GNA15: variants seen among roughly 807,000 people sequenced by gnomAD.
The protein encoded by GNA15 is guanine nucleotide-binding protein subunit alpha-15.
In GNA15, 23 loss-of-function variants were observed where a neutral mutation model predicts 40.1. The ratio of observed to expected loss-of-function variants is 0.57; its 90% CI spans 0.41 to 0.81. The LOEUF (loss-of-function observed/expected upper bound fraction) is 0.81. GNA15 is among the 40% of genes least tolerant of loss of function. The pLI is 0.00. For missense variants in GNA15, 522 were observed against 515.8 expected, an observed-to-expected ratio of 1.01 and a Z score of -0.12; for synonymous variants, 226 against 210.4, an observed-to-expected ratio of 1.07 and a Z score of -0.64.
At chr19:3,162,519 C>G (rs1915161757) in intron 6 of GNA15, among the ~76,000 whole-genome samples, 1 of 152,244 alleles carries the variant, frequency 6.6e-6, no homozygotes, top group Non-Finnish European at 1.5e-5. Context: ...GAGAGTGTCT[C>G]TCTTTAACAC....
chr19:3,147,200 G>C (rs778044388), intron 1 of GNA15, among the ~76,000 whole-genome samples: 27 of 152,132 alleles, frequency 1.8e-4, no homozygotes, highest in Non-Finnish European at 2.9e-4. Flanking sequence ...TTTCGTAAAA[G>C]TTTCTCTACC....
rs1282272260 is a variant in GNA15, at chr19:3,148,426, G to C, written c.146-165G>C. On this transcript the variant is annotated intron_variant, in intron 1 of 6. Coordinates refer to ENST00000262958, the MANE Select transcript of GNA15 (RefSeq NM_002068.4). Reference sequence around the variant, plus strand: ...TTACAGATGGGGAAACCAAGGCACAGAGCGGCAAAGCCGCTAGCCTAGGGT... The same window carrying C: ...TTACAGATGGGGAAACCAAGGCACACAGCGGCAAAGCCGCTAGCCTAGGGT... 3.9e-5 allele frequency among the ~76,000 whole-genome samples: 6 copies of C among 152,210 alleles called. No homozygotes were observed. The East Asian group carries it at 1.2e-3, about 30-fold the overall frequency.
chr19:3,147,224 G>A (rs61231324), intron 1 of GNA15, among the ~76,000 whole-genome samples: 2 of 152,094 alleles, frequency 1.3e-5, no homozygotes, highest in Non-Finnish European at 2.9e-5. Flanking sequence ...AATTATTGTA[G>A]CAAATAATAA....
intron 4 of GNA15, among the ~76,000 whole-genome samples, chr19:3,154,162 G>T (rs978056879): frequency 6.5e-5 from 9 of 138,074 alleles, no homozygotes; most frequent in Non-Finnish European, 1.1e-4. Flanking sequence ...ATGGATGGGT[G>T]GGATGGATGG....
chr19:3,159,085 C>T (rs190377395), intron 6 of GNA15, among the ~76,000 whole-genome samples: 49 of 152,048 alleles, frequency 3.2e-4, no homozygotes, highest in Non-Finnish European at 5.9e-5. Context: ...AGTGCAGTGG[C>T]GCAATCTCAG....
At chr19:3,138,488 C>T (rs534056843) in intron 1 of GNA15, among the ~76,000 whole-genome samples, 13 of 152,194 alleles carry the variant, frequency 8.5e-5, no homozygotes, top group African/African-American at 2.4e-4. Flanking sequence ...TTGATCATCC[C>T]GTGATGGTTG....
chr19:3,146,551 C>T (rs1037626788), intron 1 of GNA15: 2 of 152,158 alleles, frequency 1.3e-5, no homozygotes, highest in Non-Finnish European at 2.9e-5. Context: ...GTGGCTGGCC[C>T]TGCAAGGACC....
chr19:3,158,028 C>G (rs900172268), intron 6 of GNA15, 147 bp downstream of exon 6: 9 of 652,158 alleles, frequency 1.4e-5, no homozygotes, highest in Non-Finnish European at 2.2e-5. Flanking sequence ...CCATCCACTG[C>G]CCGACCTCAT....
intron 1 of GNA15, among the ~76,000 whole-genome samples, chr19:3,139,400 A>T (rs995644008): frequency 1.9e-4 from 29 of 151,766 alleles, no homozygotes; most frequent in African/African-American, 7.0e-4. Context: ...CAGCCTGGGC[A>T]ACTTAGCAAG....
chr19:3,154,162 G>GGGATGGATGGAT (rs148392439), intron 4 of GNA15, among the ~76,000 whole-genome samples: 3 of 138,074 alleles, frequency 2.2e-5, no homozygotes, highest in Non-Finnish European at 3.2e-5. Context: ...ATGGATGGGT[G>GGGATGGATGGAT]GGATGGATGG....
At chr19:3,160,291 C>A (rs532140449) in intron 6 of GNA15, among the ~76,000 whole-genome samples, 1 of 152,256 alleles carries the variant, frequency 6.6e-6, no homozygotes, top group East Asian at 1.9e-4. Flanking sequence ...CATCTCATCT[C>A]TCTCTCCTCC....
chr19:3,148,950 C>T (rs1914804906), intron 2 of GNA15, 175 bp downstream of exon 2: 1 of 613,588 alleles, frequency 1.6e-6, no homozygotes, highest in Admixed American at 3.0e-5. Context: ...GACATATGTG[C>T]ATACATACAA....
At chr19:3,156,337 G>A (rs113684426) in intron 5 of GNA15, among the ~76,000 whole-genome samples, 12,885 of 151,348 alleles carry the variant, frequency 0.085, 646 homozygotes, top group Non-Finnish European at 0.1. Context: ...ACATGCACAC[G>A]AACACACATG....
intron 1 of GNA15, among the ~76,000 whole-genome samples, chr19:3,141,022 A>T (rs1914563946): frequency 6.6e-6 from 1 of 151,990 alleles, no homozygotes; most frequent in African/African-American, 2.4e-5. Flanking sequence ...TCTTGGAAAC[A>T]GGAATTGAAT....
Position 3,136,637 on chromosome 19 carries a change from C to A in GNA15, c.145+42C>A. On this transcript the variant is annotated intron_variant, in intron 1 of 6. Coordinates refer to ENST00000262958, the MANE Select transcript of GNA15 (RefSeq NM_002068.4). This position sits in a 1 kb window ranked among gnomAD's most constrained non-coding sequence, Gnocchi z 4.9. ...TGGGCGGTGGGTGGTGGGCAGTGGGCGGTGGCCAGCCGGCAGGGGTGTCGG... is the reference window on the plus strand; with the variant it reads ...TGGGCGGTGGGTGGTGGGCAGTGGGAGGTGGCCAGCCGGCAGGGGTGTCGG... 6.6e-7 allele frequency: 1 copy of A among 1,523,074 alleles called. No homozygotes were observed. The highest frequency in any genetic ancestry group is 8.9e-7 in the Non-Finnish European group (1 of 1,126,914). The allele number at this position is 1,523,074 out of a possible 1,614,324, so 94.3% of individuals were successfully genotyped here. A position where few individuals can be genotyped will look rare whatever the true frequency, so the allele number is the denominator to read the frequency against.
In GNA15 at chr19:3,151,077, AC is replaced by A. The variant is rs1267418454; in HGVS notation, c.486-627del. Among the ~76,000 whole-genome samples the A allele has an allele frequency of 6.7e-6, 1 of 148,368 alleles. No homozygotes were observed. Among genetic ancestry groups the A allele is most frequent in the Non-Finnish European group, 1.5e-5 (1 of 66,898 alleles). On this transcript the variant is annotated intron_variant, in intron 3 of 6. Coordinates refer to ENST00000262958, the MANE Select transcript of GNA15 (RefSeq NM_002068.4). The surrounding 1 kb of genome is among the most constrained non-coding windows in gnomAD (Gnocchi z 5.0). ...CTGGGGGGACCTTGTTCCTGGGGGAACCCTATTCCTAGAGAACCCTGTTCCC... is the reference window on the plus strand; with the variant it reads ...CTGGGGGGACCTTGTTCCTGGGGGAACCTATTCCTAGAGAACCCTGTTCCC...
rs1432414246 is a variant in GNA15, at chr19:3,136,424, C to G, written c.-27C>G. ...CAGCAGGGGCCCGGGGGCGATGCCA[C>G]CCGGTGCCGACTGAGGCCACCGCAC... is the stretch of plus-strand genomic sequence containing the variant. On this transcript the variant is annotated 5_prime_UTR_variant, in exon 1 of 7. Coordinates refer to ENST00000262958, the MANE Select transcript of GNA15 (RefSeq NM_002068.4). This position sits in a 1 kb window ranked among gnomAD's most constrained non-coding sequence, Gnocchi z 4.9. The G allele has an allele frequency of 6.5e-7, 1 of 1,545,194 alleles. No individual in the cohort carries two copies. The highest frequency in any genetic ancestry group is 8.7e-7 in the Non-Finnish European group (1 of 1,144,904).
rs1418833941 is a variant in GNA15, at chr19:3,136,105, G to C, written c.-346G>C. The C allele has an allele frequency of 3.1e-5, 5 of 162,656 alleles. No homozygotes were observed. Among genetic ancestry groups the C allele is most frequent in the Non-Finnish European group, 3.9e-5 (3 of 76,322 alleles). The allele number at this position is 162,656 out of a possible 1,614,324, so 10.1% of individuals were successfully genotyped here. On this transcript the variant is annotated 5_prime_UTR_variant, in exon 1 of 7. Coordinates refer to ENST00000262958, the MANE Select transcript of GNA15 (RefSeq NM_002068.4). This position sits in a 1 kb window ranked among gnomAD's most constrained non-coding sequence, Gnocchi z 4.9. Reference sequence around the variant, plus strand: ...GTGGGGGTTTTCCCGCCACCGCCCCGCCCTCCCTGGGGCCCCCACCTCACC... The same window carrying C: ...GTGGGGGTTTTCCCGCCACCGCCCCCCCCTCCCTGGGGCCCCCACCTCACC...
Position 3,136,413 on chromosome 19 carries a change from G to T in GNA15, c.-38G>T. On this transcript the variant is annotated 5_prime_UTR_variant, in exon 1 of 7. Transcript: ENST00000262958. This position sits in a 1 kb window ranked among gnomAD's most constrained non-coding sequence, Gnocchi z 4.9. ...GTTGCCCTGGCCAGCAGGGGCCCGG[G>T]GGCGATGCCACCCGGTGCCGACTGA... The T allele has an allele frequency of 6.5e-7, 1 of 1,542,096 alleles. No homozygotes were observed. Among genetic ancestry groups the T allele is most frequent in the South Asian group, 1.2e-5 (1 of 83,304 alleles).
Sources: gnomAD v4.1 joint callset for allele counts (sites outside exome capture counted in the v4.1 genomes callset) on GRCh38, gnomAD v4.1.1 for gene constraint, Gnocchi (gnomAD v3.1) non-coding constraint, MANE v1.5 for transcripts, NCBI Gene and HGNC (gene_info 2026-07-23, HGNC 2026-07-21) for gene names.